The following F13A1 variants were observed in gnomAD, a reference collection of about 807,000 sequenced individuals.
F13A1 encodes coagulation factor XIII A chain.
Under a neutral mutation model 80.1 loss-of-function variants are expected in F13A1, and 47 were observed. That is an observed-to-expected ratio of 0.59 (90% CI 0.46 to 0.75). F13A1 has a LOEUF of 0.75. Ranked by LOEUF, F13A1 falls within the 30% of genes least tolerant of loss-of-function variation. F13A1 has a pLI of 0.00. For missense variants in F13A1, 817 were observed against 930.4 expected (o/e 0.88, Z 1.59); for synonymous variants, 349 against 344.9 (o/e 1.01, Z -0.13).
intron 8 of F13A1, among the ~76,000 whole-genome samples, chr6:6,202,731 C>T (rs537492933): frequency 1.3e-5 from 2 of 152,284 alleles, no homozygotes; most frequent in South Asian, 2.1e-4. Context: ...GGGAGGATAA[C>T]GATGGAGATG....
At chr6:6,225,098 C>T (rs1266844233) in intron 6 of F13A1, among the ~76,000 whole-genome samples, 1 of 152,160 alleles carries the variant, frequency 6.6e-6, no homozygotes, top group Non-Finnish European at 1.5e-5. Flanking sequence ...TATAGCAAGG[C>T]AAAGTTGAAC....
chr6:6,222,440 T>C (rs1266686572), intron 7 of F13A1, among the ~76,000 whole-genome samples: 1 of 152,208 alleles, frequency 6.6e-6, no homozygotes, highest in Non-Finnish European at 1.5e-5. Flanking sequence ...TCTAATTGTT[T>C]CGTTTCTAAG....
intron 10 of F13A1, among the ~76,000 whole-genome samples, chr6:6,182,726 G>A (rs1761011732): frequency 6.6e-6 from 1 of 152,186 alleles, no homozygotes; most frequent in South Asian, 2.1e-4. Flanking sequence ...TGGCAGAGTA[G>A]AAAGCTGAGA....
chr6:6,299,413 C>T (rs1227738024), intron 3 of F13A1, among the ~76,000 whole-genome samples: 1 of 133,330 alleles, frequency 7.5e-6, no homozygotes, highest in Non-Finnish European at 1.5e-5. Flanking sequence ...GGTCTTTTCA[C>T]ATAGTCCCAT....
chr6:6,201,583 C>T (rs1243043117), intron 8 of F13A1, among the ~76,000 whole-genome samples: 6 of 152,214 alleles, frequency 3.9e-5, no homozygotes, highest in South Asian at 2.1e-4. Flanking sequence ...CTAAGCCACC[C>T]GTGCCTCAAG....
chr6:6,316,358 T>C (rs1209833100), intron 2 of F13A1, among the ~76,000 whole-genome samples: 1 of 151,576 alleles, frequency 6.6e-6, no homozygotes, highest in Non-Finnish European at 1.5e-5. Context: ...GTTCATTCAT[T>C]CTACAGTCAC....
intron 13 of F13A1, among the ~76,000 whole-genome samples, chr6:6,159,283 C>T (rs1760532783): frequency 6.6e-6 from 1 of 152,104 alleles, no homozygotes; most frequent in African/African-American, 2.4e-5. Context: ...CCACCACAGC[C>T]ACCCACCCTT....
rs532964517 is a variant in F13A1 at position 6,184,196 on chromosome 6, A to G, written c.1306-2055T>C. On this transcript the variant is annotated intron_variant, in intron 10 of 14. Transcript: ENST00000264870. ...CCTGTGAGGTATATATTGTAACCGT[A>G]TTATGGATGAGGGCACCAAGACTCA... Among the ~76,000 whole-genome samples, 5 of 152,348 alleles carry G rather than the reference A, an allele frequency of 3.3e-5. No homozygotes were observed. The East Asian group carries it at 9.6e-4, about 29-fold the overall frequency.
At chr6:6,180,208 G>A (rs899269441) in intron 11 of F13A1, among the ~76,000 whole-genome samples, 72 of 152,302 alleles carry the variant, frequency 4.7e-4, no homozygotes, top group African/African-American at 1.7e-3. Context: ...AGCTTCATCT[G>A]CCAATTCTTG....
At chr6:6,163,245 G>A (rs1760604087) in intron 13 of F13A1, among the ~76,000 whole-genome samples, 1 of 152,220 alleles carries the variant, frequency 6.6e-6, no homozygotes, top group South Asian at 2.1e-4. Flanking sequence ...TTAGAATTTA[G>A]AGAAACATAT....
At chr6:6,283,672 C>CT (rs533647348) in intron 3 of F13A1, among the ~76,000 whole-genome samples, 1,494 of 149,256 alleles carry the variant, frequency 0.01, 29 homozygotes, top group African/African-American at 0.034. Flanking sequence ...CATGTCCTTC[C>CT]TTTTTTTTTT....
At chr6:6,313,396 G>A (rs1332578654) in intron 2 of F13A1, among the ~76,000 whole-genome samples, 9 of 108,342 alleles carry the variant, frequency 8.3e-5, no homozygotes, top group Non-Finnish European at 1.3e-4. Context: ...CAAACATATC[G>A]GAAAATGGAC....
Position 6,152,091 on chromosome 6 carries a change from T to C in F13A1, c.1909-142A>G, listed in dbSNP as rs370741067. ...GAACCAGTGTGATGAGGATAGCTGA[T>C]TGCTTTGACTGGAGGATACCTATTG... On this transcript the variant is annotated intron_variant, in intron 13 of 14. Transcript: ENST00000264870. 1.6e-4 allele frequency: 152 copies of C among 923,640 alleles called. 1 individual carries two copies. The East Asian group carries it at 3.4e-3, about 20-fold the overall frequency. The allele number at this position is 923,640 out of a possible 1,614,324, so 57.2% of individuals were successfully genotyped here. A position where few individuals can be genotyped will look rare whatever the true frequency, so the allele number is the denominator to read the frequency against.
intron 11 of F13A1, among the ~76,000 whole-genome samples, chr6:6,177,630 A>G (rs1760904465): frequency 6.6e-6 from 1 of 152,260 alleles, no homozygotes; most frequent in Non-Finnish European, 1.5e-5. Flanking sequence ...GTGCCTCCCC[A>G]GTAACCATTC....
chr6:6,315,127 G>T (rs904415232), intron 2 of F13A1, among the ~76,000 whole-genome samples: 4 of 152,176 alleles, frequency 2.6e-5, no homozygotes, highest in Non-Finnish European at 4.4e-5. Context: ...GTCGCCTATT[G>T]TTAACAATAT....
chr6:6,270,065 T>C (rs1345835730), intron 3 of F13A1, among the ~76,000 whole-genome samples: 1 of 152,156 alleles, frequency 6.6e-6, no homozygotes, highest in African/African-American at 2.4e-5. Flanking sequence ...GATTTGCTTG[T>C]GTATTATTGT....
chr6:6,249,111 A>T (rs909698977), intron 5 of F13A1, among the ~76,000 whole-genome samples: 4 of 152,232 alleles, frequency 2.6e-5, no homozygotes, highest in Admixed American at 6.5e-5. Context: ...ATCAAATAGC[A>T]AGACAGGAAG....
intron 8 of F13A1, among the ~76,000 whole-genome samples, chr6:6,216,496 C>G (rs1238901243): frequency 6.7e-6 from 1 of 148,258 alleles, no homozygotes; most frequent in Non-Finnish European, 1.5e-5. Flanking sequence ...GAAACTGGAT[C>G]CCTTCCTTAC....
Position 6,195,833 on chromosome 6 carries a change from G to A in F13A1, c.1269C>T (p.Val423=). Residue 423 remains valine, a synonymous_variant, in exon 10 of 15, where the codon GTC becomes GTT. Transcript: ENST00000264870. ...CAAAAGGTGCATCAAATTGGAAGCAGACATGGCCGTGCTTGATGGCTTGAA... is the reference window on the plus strand; with the variant it reads ...CAAAAGGTGCATCAAATTGGAAGCAAACATGGCCGTGCTTGATGGCTTGAA... ...ASVQAIKHGH[V]CFQFDAPFVF... 1.2e-6 allele frequency: 2 copies of A among 1,614,210 alleles called. No homozygotes were observed. The highest frequency in any genetic ancestry group is 1.7e-6 in the Non-Finnish European group (2 of 1,180,022).
Sources: gnomAD v4.1 joint callset for allele counts (sites outside exome capture counted in the v4.1 genomes callset) on GRCh38, gnomAD v4.1.1 for gene constraint, MANE v1.5 for transcripts, NCBI Gene and HGNC (gene_info 2026-07-23, HGNC 2026-07-21) for gene names.